Variants in EDAR observed in about 807,000 individuals in gnomAD.
The protein encoded by EDAR is tumor necrosis factor receptor superfamily member EDAR.
A neutral mutation model predicts 51.3 loss-of-function variants in EDAR; 38 were observed. That is an observed-to-expected ratio of 0.74 (90% CI 0.57 to 0.97). The LOEUF (loss-of-function observed/expected upper bound fraction) is 0.97, where lower values mean the gene tolerates loss of function less well. EDAR is among the 50% of genes least tolerant of loss of function. The probability of loss-of-function intolerance (pLI) is 0.00; values close to 1 mark genes in which losing one functional copy is unlikely to be tolerated. For synonymous variants in EDAR, 227 were observed against 242.1 expected, an observed-to-expected ratio of 0.94 and a Z score of 0.58; for missense variants, 528 against 595.0, an observed-to-expected ratio of 0.89 and a Z score of 1.17.
intron 5 of EDAR, among the ~76,000 whole-genome samples, chr2:108,920,302 C>T (rs1444089231): frequency 6.6e-6 from 1 of 152,218 alleles, no homozygotes; most frequent in African/African-American, 2.4e-5. Flanking sequence ...AGGACACTTT[C>T]CCAGGGGTGA....
intron 11 of EDAR, among the ~76,000 whole-genome samples, chr2:108,899,817 C>T (rs1696666379): frequency 6.6e-6 from 1 of 152,012 alleles, no homozygotes; most frequent in Admixed American, 6.5e-5. Context: ...GAAACCCCGT[C>T]TCTACTAAAA....
intron 1 of EDAR, among the ~76,000 whole-genome samples, chr2:108,961,260 T>C (rs113331176): frequency 6.6e-6 from 1 of 151,824 alleles, no homozygotes; most frequent in Non-Finnish European, 1.5e-5. Flanking sequence ...AGGGAACAGT[T>C]GCCAGTCCTT....
chr2:108,906,386 GAA>G lies in EDAR; in HGVS notation c.964-20_964-19del. Reference sequence around the variant, plus strand: ...CTTTGAATCTGTGAAAAAGAGTCGAGAATTTTCATCTCCAGAAAGGGGCAACA... The same window carrying G: ...CTTTGAATCTGTGAAAAAGAGTCGAGTTTTCATCTCCAGAAAGGGGCAACA... On this transcript the variant is annotated intron_variant, in intron 10 of 11. Coordinates refer to ENST00000258443, the MANE Select transcript of EDAR (RefSeq NM_022336.4). 6.2e-7 allele frequency: 1 copy of G among 1,614,028 alleles called. No homozygotes were observed. The highest frequency in any genetic ancestry group is 8.5e-7 in the Non-Finnish European group (1 of 1,179,916).
chr2:108,899,111 A>T (rs76935644), intron 11 of EDAR, among the ~76,000 whole-genome samples: 7,379 of 152,312 alleles, frequency 0.048, 572 homozygotes, highest in African/African-American at 0.17. Flanking sequence ...AAATATATTC[A>T]TGTCAAGATA....
intron 1 of EDAR, among the ~76,000 whole-genome samples, chr2:108,942,711 T>A (rs925947217): frequency 2.6e-5 from 4 of 152,250 alleles, no homozygotes; most frequent in Non-Finnish European, 5.9e-5. Flanking sequence ...GCCTCTCCTT[T>A]TACCACGAAG....
At chr2:108,984,465 C>A (rs1698464869) in intron 1 of EDAR, among the ~76,000 whole-genome samples, 1 of 152,122 alleles carries the variant, frequency 6.6e-6, no homozygotes, top group African/African-American at 2.4e-5. Context: ...TGGTTCTCCT[C>A]TCCTCTCCTT....
At chr2:108,957,711 G>A (rs1264817767) in intron 1 of EDAR, among the ~76,000 whole-genome samples, 2 of 152,250 alleles carry the variant, frequency 1.3e-5, no homozygotes, top group Non-Finnish European at 2.9e-5. Flanking sequence ...CCTACCAGGC[G>A]AGGCTAGTGG....
chr2:108,932,915 C>A (rs1697399073), intron 1 of EDAR, among the ~76,000 whole-genome samples: 2 of 152,172 alleles, frequency 1.3e-5, no homozygotes, highest in African/African-American at 4.8e-5. Context: ...AGTCTGCAGG[C>A]CTTCCAGAGA....
intron 4 of EDAR, among the ~76,000 whole-genome samples, chr2:108,924,988 C>T (rs1697226158): frequency 6.6e-6 from 1 of 152,240 alleles, no homozygotes; most frequent in Non-Finnish European, 1.5e-5. Flanking sequence ...GCCACCTGCT[C>T]CCCATCTCAC....
intron 1 of EDAR, among the ~76,000 whole-genome samples, chr2:108,934,739 G>A (rs764961787): frequency 2.0e-5 from 3 of 152,128 alleles, no homozygotes; most frequent in Admixed American, 6.5e-5. Context: ...ACCCACTCCC[G>A]CGATGATGAC....
chr2:108,955,720 T>C (rs1385762294), intron 1 of EDAR, among the ~76,000 whole-genome samples: 1 of 143,006 alleles, frequency 7.0e-6, no homozygotes, highest in African/African-American at 2.6e-5. Flanking sequence ...AATAAATAAA[T>C]ACAATAACAT....
rs751153063 is a variant in EDAR at position 108,930,964 on chromosome 2, C to T, written c.51G>A (p.Val17=). ...CTQTPWLPVL[V]VSLMCSARAE... ...GGGGTAAGGGGCTCAGACCACTTAC[C>T]ACCAGGACGGGGAGCCAGGGCGTCT... The change falls in exon 2 of 12, where the codon GTG becomes GTA. Residue 17 remains valine, a splice_region_variant and synonymous_variant. Transcript: ENST00000258443. 3 of 1,613,900 alleles carry T rather than the reference C, an allele frequency of 1.9e-6. No individual in the cohort carries two copies. The highest frequency in any genetic ancestry group is 1.7e-5 in the Admixed American group (1 of 60,030).
chr2:108,965,096 C>T (rs143176207), intron 1 of EDAR, among the ~76,000 whole-genome samples: 14 of 151,826 alleles, frequency 9.2e-5, no homozygotes, highest in Non-Finnish European at 1.6e-4. Flanking sequence ...TGTGTGTGCA[C>T]GCAAGCATGT....
chr2:108,957,654 T>G (rs1488378093), intron 1 of EDAR, among the ~76,000 whole-genome samples: 1 of 152,250 alleles, frequency 6.6e-6, no homozygotes, highest in African/African-American at 2.4e-5. Flanking sequence ...ACATAATTGA[T>G]GCGGCCTTAC....
intron 1 of EDAR, among the ~76,000 whole-genome samples, chr2:108,978,201 T>C (rs1698360853): frequency 6.6e-6 from 1 of 152,192 alleles, no homozygotes; most frequent in Non-Finnish European, 1.5e-5. Context: ...GGGATAGACG[T>C]GCATATCTTT....
intron 1 of EDAR, among the ~76,000 whole-genome samples, chr2:108,954,503 T>C (rs567326613): frequency 8.0e-4 from 121 of 152,164 alleles, no homozygotes; most frequent in African/African-American, 2.8e-3. Context: ...CCCCACCCAC[T>C]CTCCTTGGCA....
intron 1 of EDAR, among the ~76,000 whole-genome samples, chr2:108,963,146 G>A (rs754735775): frequency 1.4e-4 from 21 of 152,178 alleles, no homozygotes; most frequent in Non-Finnish European, 2.5e-4. Flanking sequence ...CCACTTGACT[G>A]TGTGCACGAG....
At chr2:108,922,922 T>G (rs1253006454) in intron 5 of EDAR, among the ~76,000 whole-genome samples, 1 of 152,216 alleles carries the variant, frequency 6.6e-6, no homozygotes, top group Non-Finnish European at 1.5e-5. Flanking sequence ...ATGTGCTTTG[T>G]GGAATCTGTT....
chr2:108,978,217 ACTC>A (rs1451906400), intron 1 of EDAR, among the ~76,000 whole-genome samples: 2 of 152,092 alleles, frequency 1.3e-5, no homozygotes, highest in African/African-American at 2.4e-5. Context: ...TCTTTTAGGA[ACTC>A]ATCATTGGTC....
Sources: allele counts gnomAD v4.1 joint callset (sites outside exome capture counted in the v4.1 genomes callset), GRCh38; gene constraint gnomAD v4.1.1; transcripts MANE v1.5; gene names NCBI Gene and HGNC (gene_info 2026-07-23, HGNC 2026-07-21).